The following PDS5A variants were observed in gnomAD, a reference collection of about 807,000 sequenced individuals.
The protein encoded by PDS5A is PDS5 cohesin associated factor A, also known as sister chromatid cohesion protein PDS5 homolog A.
In PDS5A, 42 loss-of-function variants were observed where a neutral mutation model predicts 167.1. The ratio of observed to expected loss-of-function variants is 0.25; its 90% CI spans 0.20 to 0.33. The LOEUF (loss-of-function observed/expected upper bound fraction) is 0.33, where lower values mean the gene tolerates loss of function less well. PDS5A is among the 10% of genes least tolerant of loss of function. PDS5A has a pLI of 1.00. For synonymous variants in PDS5A, 553 were observed against 554.6 expected (o/e 1.00, Z 0.04); for missense variants, 1,033 against 1,605.9 (o/e 0.64, Z 6.10).
intron 2 of PDS5A, among the ~76,000 whole-genome samples, chr4:39,971,096 C>T (rs17585854): frequency 0.05 from 7,521 of 151,342 alleles, 332 homozygotes; most frequent in East Asian, 0.22. Context: ...TGAAAACTGA[C>T]GAGAACAGGA....
chr4:39,945,225 C>A (rs932865531), intron 2 of PDS5A, among the ~76,000 whole-genome samples: 26 of 151,884 alleles, frequency 1.7e-4, no homozygotes, highest in African/African-American at 2.4e-4. Context: ...CTTTGGAAGG[C>A]CAAGGTGGGC....
At chr4:39,833,990 T>A (rs981648082) in intron 32 of PDS5A, among the ~76,000 whole-genome samples, 1 of 152,154 alleles carries the variant, frequency 6.6e-6, no homozygotes, top group African/African-American at 2.4e-5. Context: ...CCTGAAGCAC[T>A]TATTCGAAGA....
In PDS5A at chr4:39,877,170, A is replaced by G. The variant is rs753418804; in HGVS notation, c.1993-17T>C. 2.0e-6 allele frequency: 3 copies of G among 1,489,846 alleles called. No individual in the cohort carries two copies. The highest frequency in any genetic ancestry group is 2.7e-6 in the Non-Finnish European group (3 of 1,105,062). 92.3% of individuals were successfully genotyped at this position (1,489,846 alleles called of 1,614,324 possible). A position where few individuals can be genotyped will look rare whatever the true frequency, so the allele number is the denominator to read the frequency against. On this transcript the variant is annotated splice_polypyrimidine_tract_variant and intron_variant, in intron 18 of 32. Transcript: ENST00000303538. ...AGACAGAACCTGAAAAAACAGATAC[A>G]GCTTTAGAAGTACAGACAATGGTTT...
chr4:39,885,063 G>A (rs1451545034), intron 17 of PDS5A, among the ~76,000 whole-genome samples: 1 of 151,846 alleles, frequency 6.6e-6, no homozygotes, highest in Non-Finnish European at 1.5e-5. Flanking sequence ...AGGAGCTCGA[G>A]ACCAGCCTGG....
rs777383127 is a variant in PDS5A, at chr4:39,862,911, T to C, written c.2929A>G (p.Ser977Gly). 6.2e-7 allele frequency: 1 copy of C among 1,612,270 alleles called. No individual in the cohort carries two copies. Residue 977 changes from serine (S) to glycine (G), a missense_variant, in exon 25 of 33, where the codon AGT becomes GGT. By Grantham distance (56) the Ser-to-Gly change is moderately conservative. Transcript: ENST00000303538. ...HARQCLLKNISIRREYIKQNP... is the reference protein window; with the variant it reads ...HARQCLLKNIGIRREYIKQNP... Reference sequence around the variant, plus strand: ...TGCTTAATGTATTCCCTGCGTATACTGATATTTTTCAGTAAACATTGTCGT... The same window carrying C: ...TGCTTAATGTATTCCCTGCGTATACCGATATTTTTCAGTAAACATTGTCGT...
intron 31 of PDS5A, among the ~76,000 whole-genome samples, chr4:39,839,769 G>T (rs1716787299): frequency 7.2e-6 from 1 of 139,308 alleles, no homozygotes; most frequent in African/African-American, 2.8e-5. Flanking sequence ...GGGGGGGGCA[G>T]GGGAGGAAAT....
intron 11 of PDS5A, among the ~76,000 whole-genome samples, chr4:39,907,777 G>A (rs1384076239): frequency 2.6e-5 from 4 of 151,970 alleles, no homozygotes; most frequent in Non-Finnish European, 5.9e-5. Flanking sequence ...TAGTAGAGAC[G>A]GGGTTTCACC....
intron 32 of PDS5A, among the ~76,000 whole-genome samples, chr4:39,832,206 C>A (rs1168559565): frequency 1.3e-5 from 2 of 151,830 alleles, no homozygotes; most frequent in Non-Finnish European, 2.9e-5. Context: ...AATAATTATG[C>A]ATGGATTTCA....
intron 2 of PDS5A, among the ~76,000 whole-genome samples, chr4:39,941,032 C>G (rs769573349): frequency 1.1e-4 from 16 of 152,112 alleles, no homozygotes; most frequent in Non-Finnish European, 2.4e-4. Context: ...AAACTAAAAC[C>G]CAGGTTTCAG....
Position 39,900,490 on chromosome 4 carries a change from C to A in PDS5A, c.1517G>T (p.Trp506Leu), listed in dbSNP as rs866195738. The A allele has an allele frequency of 6.3e-7, 1 of 1,578,216 alleles. No homozygotes were observed. Among genetic ancestry groups the A allele is most frequent in the East Asian group, 2.3e-5 (1 of 43,958 alleles). ...PNAVKALNEM[W>L]KCQNMLRSHV... is the part of the protein sequence containing the mutation. ...GCTCCGAAGCATGTTCTGACACTTC[C>A]ACATTTCGTTGAGAGCTCTGTAAAG... is the stretch of plus-strand genomic sequence containing the variant. The change falls in exon 14 of 33, where the codon TGG (tryptophan) becomes TTG (leucine). Residue 506 changes from tryptophan (W) to leucine (L), a missense_variant. Trp to Leu is a moderately conservative substitution (Grantham distance 61). Around this residue, in one of 4 missense-constraint regions of PDS5A, gnomAD observed 388 missense variants for 615.1 expected, o/e 0.63. Coordinates refer to ENST00000303538, the MANE Select transcript of PDS5A (RefSeq NM_001100399.2).
intron 17 of PDS5A, among the ~76,000 whole-genome samples, chr4:39,882,594 G>A (rs773833979): frequency 5.9e-5 from 9 of 152,098 alleles, no homozygotes; most frequent in African/African-American, 1.9e-4. Flanking sequence ...CCATGCACAC[G>A]ATTATTTCAT....
intron 32 of PDS5A, among the ~76,000 whole-genome samples, chr4:39,835,623 A>G (rs998833251): frequency 6.6e-6 from 1 of 152,108 alleles, no homozygotes; most frequent in African/African-American, 2.4e-5. Context: ...CCCGGGTTCA[A>G]GCAATTCTCC....
chr4:39,967,102 C>T (rs1342156906), intron 2 of PDS5A, among the ~76,000 whole-genome samples: 2 of 151,190 alleles, frequency 1.3e-5, no homozygotes, highest in South Asian at 2.1e-4. Context: ...GTCAGGAGCT[C>T]GAGACCAGCC....
At chr4:39,897,716 CTT>C (rs1047785564) in intron 16 of PDS5A, among the ~76,000 whole-genome samples, 24 of 152,028 alleles carry the variant, frequency 1.6e-4, no homozygotes, top group Non-Finnish European at 2.8e-4. Context: ...AATTTAAAAA[CTT>C]AGCTGGGTGT....
At chr4:39,961,856 T>C (rs191760930) in intron 2 of PDS5A, among the ~76,000 whole-genome samples, 19 of 152,362 alleles carry the variant, frequency 1.2e-4, no homozygotes, top group Admixed American at 2.0e-4. Flanking sequence ...AATCATAGTA[T>C]TGGCCTTCAT....
chr4:39,953,269 TAAA>T (rs1728584436), intron 2 of PDS5A, among the ~76,000 whole-genome samples: 1 of 152,140 alleles, frequency 6.6e-6, no homozygotes, highest in Non-Finnish European at 1.5e-5. Context: ...AAACAACAGT[TAAA>T]GAACAGTTTC....
At chr4:39,899,629 A>G (rs908759715) in intron 14 of PDS5A, among the ~76,000 whole-genome samples, 5 of 152,058 alleles carry the variant, frequency 3.3e-5, no homozygotes, top group African/African-American at 1.2e-4. Flanking sequence ...GGCAGACTGC[A>G]TGAGCCCAAG....
intron 2 of PDS5A, among the ~76,000 whole-genome samples, chr4:39,942,437 T>G (rs1039429329): frequency 6.6e-6 from 1 of 152,170 alleles, no homozygotes; most frequent in Admixed American, 6.6e-5. Flanking sequence ...TTACCCATCC[T>G]TAATGTTTTT....
At chr4:39,974,688 T>C (rs1730906211) in intron 2 of PDS5A, among the ~76,000 whole-genome samples, 1 of 151,970 alleles carries the variant, frequency 6.6e-6, no homozygotes, top group South Asian at 2.1e-4. Flanking sequence ...GGATTACAGG[T>C]ATGCGCCACC....
Sources: gnomAD v4.1 joint callset for allele counts (sites outside exome capture counted in the v4.1 genomes callset) on GRCh38, gnomAD v4.1.1 for gene constraint, gnomAD v4.1.1 regional missense constraint, MANE v1.5 for transcripts, NCBI Gene and HGNC (gene_info 2026-07-23, HGNC 2026-07-21) for gene names.